SMIM40: variants seen among roughly 807,000 people sequenced by gnomAD.
SMIM40 encodes small integral membrane protein 40.
chr6:33,328,927 A>G, intron 1 of SMIM40, 60 bp downstream of exon 1: 1 of 390,898 alleles, frequency 2.6e-6, no homozygotes, highest in Non-Finnish European at 4.5e-6. Flanking sequence ...GCCCTAAGCT[A>G]TCCAAGCATC....
intron 1 of SMIM40, among the ~76,000 whole-genome samples, chr6:33,325,399 G>A (rs1321426601): frequency 6.8e-6 from 1 of 146,900 alleles, no homozygotes; most frequent in African/African-American, 2.6e-5. Context: ...TATAGCGACA[G>A]GGTCTTACTG....
chr6:33,325,592 A>C (rs1350907098), intron 1 of SMIM40, among the ~76,000 whole-genome samples: 1 of 148,080 alleles, frequency 6.8e-6, no homozygotes, highest in African/African-American at 2.6e-5. Context: ...CTGTAATCCC[A>C]GCACTTTGGG....
chr6:33,328,569 T>A (rs1030936725), intron 1 of SMIM40, among the ~76,000 whole-genome samples: 2 of 152,036 alleles, frequency 1.3e-5, no homozygotes, highest in Non-Finnish European at 2.9e-5. Context: ...CAAAATTATT[T>A]CCCTGAGTAT....
At chr6:33,327,689 GTC>G (rs1205312050) in intron 1 of SMIM40, among the ~76,000 whole-genome samples, 1 of 151,608 alleles carries the variant, frequency 6.6e-6, no homozygotes, top group East Asian at 1.9e-4. Context: ...ATGAAACCTT[GTC>G]TCTACTAAAA....
chr6:33,324,590 T>A (rs1432439907), intron 1 of SMIM40, among the ~76,000 whole-genome samples: 2 of 146,794 alleles, frequency 1.4e-5, no homozygotes, highest in Admixed American at 6.8e-5. Context: ...TTTTTTTTTT[T>A]AAATGCAGGG....
At position 33,323,742 on chromosome 6, in the gene SMIM40, C is replaced by T. The variant is rs554661785; in HGVS notation, c.*222G>A. 43 of 152,384 alleles carry T rather than the reference C, an allele frequency of 2.8e-4. No homozygotes were observed. The highest frequency in any genetic ancestry group is 1.0e-3 in the African/African-American group (43 of 41,566). The allele number at this position is 152,384 out of a possible 1,614,324, so 9.4% of individuals were successfully genotyped here. A position where few individuals can be genotyped will look rare whatever the true frequency, so the allele number is the denominator to read the frequency against. ...ATGGTTCTTCTCCAGAGGGGGTCCTCGAAGGGCCGTCTGTGCTGACCAGGT... is the reference window on the plus strand; with the variant it reads ...ATGGTTCTTCTCCAGAGGGGGTCCTTGAAGGGCCGTCTGTGCTGACCAGGT... On this transcript the variant is annotated 3_prime_UTR_variant, in exon 3 of 3. Coordinates refer to ENST00000494082, the MANE Select transcript of SMIM40 (RefSeq NM_001369203.1).
At chr6:33,325,361 T>A (rs1581801990) in intron 1 of SMIM40, among the ~76,000 whole-genome samples, 1 of 67,084 alleles carries the variant, frequency 1.5e-5, no homozygotes. Context: ...CAAGACTCTG[T>A]CTCAAAAAAA....
intron 1 of SMIM40, among the ~76,000 whole-genome samples, chr6:33,328,257 C>T (rs979945718): frequency 4.0e-5 from 6 of 150,994 alleles, no homozygotes; most frequent in African/African-American, 7.3e-5. Flanking sequence ...GGTGCGATCT[C>T]GGCTCACTGC....
chr6:33,329,136 TCAGGAAGAGGGC>T lies in SMIM40; in HGVS notation c.118_129del (p.Ala40_Leu43del), dbSNP rs1458035390. 6.0e-5 allele frequency: 24 copies of T among 398,748 alleles called. No homozygotes were observed. The highest frequency in any genetic ancestry group is 1.0e-4 in the Non-Finnish European group (23 of 226,312). 24.7% of individuals were successfully genotyped at this position (398,748 alleles called of 1,614,324 possible). The stretch of plus-strand genomic sequence containing the variant: ...TAAGCAGCCTCCAGCATCAGCAGTG[TCAGGAAGAGGGC>T]CAGGAAGATAAAGAAAGCCTTGTCC... On this transcript the variant is annotated inframe_deletion, in exon 1 of 3. Coordinates refer to ENST00000494082, the MANE Select transcript of SMIM40 (RefSeq NM_001369203.1).
intron 1 of SMIM40, among the ~76,000 whole-genome samples, chr6:33,327,861 C>CAAAAAAAA (rs375476107): frequency 2.6e-4 from 18 of 70,322 alleles, no homozygotes; most frequent in South Asian, 6.5e-4. Context: ...GACTCTGTCA[C>CAAAAAAAA]AAAAAAAAAA....
chr6:33,324,360 T>G (rs541625369), intron 1 of SMIM40, among the ~76,000 whole-genome samples: 3 of 150,548 alleles, frequency 2.0e-5, no homozygotes, highest in Non-Finnish European at 2.9e-5. Flanking sequence ...CATTCTTCAC[T>G]TCTCCTTTTA....
At chr6:33,324,391 GA>G (rs35963214) in intron 1 of SMIM40, among the ~76,000 whole-genome samples, 81,888 of 137,002 alleles carry the variant, frequency 0.6, 23,500 homozygotes, top group African/African-American at 0.7. Context: ...ACCCTCTTAA[GA>G]AAAAAAAAAA....
intron 1 of SMIM40, among the ~76,000 whole-genome samples, chr6:33,324,882 CAAAAAAAAAAAAAAAAAAAAAAAA>C (rs376451265): frequency 4.2e-5 from 2 of 47,242 alleles, no homozygotes; most frequent in African/African-American, 1.6e-4. Context: ...GAGATTATCT[CAAAAAAAAAAAAAAAAAAAAAAAA>C]AAAAAAGGAA....
chr6:33,327,802 T>C (rs1402491575), intron 1 of SMIM40, among the ~76,000 whole-genome samples: 1 of 139,288 alleles, frequency 7.2e-6, no homozygotes, highest in Non-Finnish European at 1.5e-5. Flanking sequence ...GGAGGCAGGC[T>C]GCAGTGAGCA....
chr6:33,328,049 G>A (rs968194320), intron 1 of SMIM40, among the ~76,000 whole-genome samples: 2 of 149,390 alleles, frequency 1.3e-5, no homozygotes, highest in African/African-American at 4.9e-5. Context: ...TTGCACCACT[G>A]CACTGCAGCC....
At chr6:33,324,545 C>CTTTTTTTTTTTTTTTTTTTCTTTCTTTT (rs1771014602) in intron 1 of SMIM40, among the ~76,000 whole-genome samples, 1 of 103,216 alleles carries the variant, frequency 9.7e-6, no homozygotes, top group Admixed American at 1.1e-4. Context: ...ACCACCTTTT[C>CTTTTTTTTTTTTTTTTTTTCTTTCTTTT]TTTTTTTTTT....
chr6:33,324,423 C>T (rs1164236576), intron 1 of SMIM40, among the ~76,000 whole-genome samples: 2 of 149,924 alleles, frequency 1.3e-5, no homozygotes, highest in Non-Finnish European at 1.5e-5. Context: ...TCTCTTTTTT[C>T]CCCTCCCCCC....
At chr6:33,328,310 G>A (rs1430424187) in intron 1 of SMIM40, among the ~76,000 whole-genome samples, 1 of 150,846 alleles carries the variant, frequency 6.6e-6, no homozygotes, top group East Asian at 2.1e-4. Context: ...CTCAGCCTCT[G>A]AGTAGCTGAG....
Position 33,325,495 on chromosome 6 carries a change from C to T in SMIM40, c.*40-1465G>A, listed in dbSNP as rs972219556. On this transcript the variant is annotated intron_variant, in intron 1 of 2. Transcript: ENST00000494082. The stretch of plus-strand genomic sequence containing the variant: ...AAGTGCTGGGATTATGGGCGTGAAC[C>T]GCCACTCCCAGACTACTATCTTATT... Among the ~76,000 whole-genome samples, 8 of 149,060 alleles carry T rather than the reference C, an allele frequency of 5.4e-5. 1 individual carries two copies. Among genetic ancestry groups the T allele is most frequent in the African/African-American group, 7.8e-5 (3 of 38,668 alleles).
Sources: allele counts gnomAD v4.1 joint callset (sites outside exome capture counted in the v4.1 genomes callset), GRCh38; gene constraint gnomAD v4.1.1; transcripts MANE v1.5; gene names NCBI Gene and HGNC (gene_info 2026-07-23, HGNC 2026-07-21).